Variants in GRIN2A observed in about 807,000 individuals in gnomAD.
GRIN2A encodes the protein glutamate ionotropic receptor NMDA type subunit 2A, also known as glutamate receptor ionotropic, NMDA 2A.
GRIN2A carries 22 observed loss-of-function variants against 113.4 expected under a neutral mutation model. That is an observed-to-expected ratio of 0.19 (90% CI 0.14 to 0.28). The LOEUF (loss-of-function observed/expected upper bound fraction) is 0.28. Among genes scored for constraint, GRIN2A ranks in the 10% least tolerant of loss-of-function variants. The pLI is 1.00. For synonymous variants in GRIN2A, 827 were observed against 738.4 expected (o/e 1.12, Z -1.94); for missense variants, 1,502 against 1,887.0 (o/e 0.80, Z 3.78).
intron 2 of GRIN2A, among the ~76,000 whole-genome samples, chr16:10,048,201 A>C (rs1596460658): frequency 1.3e-5 from 2 of 152,216 alleles, no homozygotes. Flanking sequence ...GCAGATAATA[A>C]TACTCACTTC....
At chr16:9,920,618 G>C (rs1409310966) in intron 3 of GRIN2A, among the ~76,000 whole-genome samples, 1 of 150,618 alleles carries the variant, frequency 6.6e-6, no homozygotes, top group East Asian at 1.9e-4. Context: ...CCAAGCTGGA[G>C]TGCAGTGACA....
intron 3 of GRIN2A, among the ~76,000 whole-genome samples, chr16:9,919,230 A>C (rs1251835526): frequency 6.6e-6 from 1 of 152,192 alleles, no homozygotes; most frequent in Non-Finnish European, 1.5e-5. Context: ...TTTCAGATAA[A>C]GTCAGATCAT....
At chr16:10,018,895 C>A (rs1206212620) in intron 2 of GRIN2A, among the ~76,000 whole-genome samples, 1 of 152,236 alleles carries the variant, frequency 6.6e-6, no homozygotes, top group Admixed American at 6.5e-5. Context: ...CCAATCTGAG[C>A]ACTGGCTGTG....
chr16:10,075,464 G>C (rs1002487633), intron 2 of GRIN2A, among the ~76,000 whole-genome samples: 3 of 152,114 alleles, frequency 2.0e-5, no homozygotes, highest in Non-Finnish European at 4.4e-5. Flanking sequence ...GAGAGTGATT[G>C]CAAGTAAGTA....
intron 5 of GRIN2A, among the ~76,000 whole-genome samples, chr16:9,842,383 C>T (rs528876311): frequency 6.6e-6 from 1 of 152,274 alleles, no homozygotes; most frequent in East Asian, 1.9e-4. Flanking sequence ...ATGGACATCC[C>T]ATTAGCTCAA....
At chr16:10,150,643 G>C (rs962835754) in intron 2 of GRIN2A, among the ~76,000 whole-genome samples, 4 of 143,236 alleles carry the variant, frequency 2.8e-5, no homozygotes, top group African/African-American at 1.0e-4. Context: ...CCAGCGTCTA[G>C]ACACTTGCAG....
At chr16:10,030,052 G>C (rs2046900039) in intron 2 of GRIN2A, among the ~76,000 whole-genome samples, 1 of 152,014 alleles carries the variant, frequency 6.6e-6, no homozygotes, top group African/African-American at 2.4e-5. Flanking sequence ...ACTCAATGGA[G>C]GCTGCAGCAT....
chr16:10,126,171 A>AT (rs386419082), intron 2 of GRIN2A, among the ~76,000 whole-genome samples: 34,485 of 150,210 alleles, frequency 0.23, 4,506 homozygotes, highest in East Asian at 0.48. Context: ...ATATATATAT[A>AT]TTTTTTTTTG....
chr16:9,832,320 C>A (rs777635407), intron 8 of GRIN2A, among the ~76,000 whole-genome samples: 2 of 151,990 alleles, frequency 1.3e-5, no homozygotes, highest in Non-Finnish European at 2.9e-5. Flanking sequence ...GTTCCTTTTA[C>A]ATGAAATGAC....
intron 2 of GRIN2A, among the ~76,000 whole-genome samples, chr16:10,013,844 G>A (rs1451688474): frequency 6.6e-6 from 1 of 152,070 alleles, no homozygotes; most frequent in Non-Finnish European, 1.5e-5. Context: ...TCTCTCTCTG[G>A]CCTCCTTCCT....
rs1461117051 is a variant in GRIN2A at position 10,049,035 on chromosome 16, CAA to C, written c.415-110486_415-110485del. On this transcript the variant is annotated intron_variant, in intron 2 of 12. Coordinates refer to ENST00000330684, the MANE Select transcript of GRIN2A (RefSeq NM_001134407.3). ...ATTTACCTCCCAGTCGTTGCTATTCCAAAAGAGAGCCAGAGGGGAGGAAAATC... is the reference window on the plus strand; with the variant it reads ...ATTTACCTCCCAGTCGTTGCTATTCCAAGAGAGCCAGAGGGGAGGAAAATC... 1.2e-4 allele frequency among the ~76,000 whole-genome samples: 18 copies of C among 152,206 alleles called. 1 individual carries two copies. The South Asian group carries it at 3.7e-3, about 32-fold the overall frequency.
intron 2 of GRIN2A, among the ~76,000 whole-genome samples, chr16:9,940,059 AGAGTGTGT>A (rs2044831409): frequency 6.9e-6 from 1 of 145,390 alleles, no homozygotes; most frequent in Non-Finnish European, 1.5e-5. Context: ...AGAGAGAGAG[AGAGTGTGT>A]GTGTGTGTGT....
intron 2 of GRIN2A, among the ~76,000 whole-genome samples, chr16:10,035,704 C>T (rs1378579039): frequency 1.3e-5 from 2 of 150,652 alleles, no homozygotes; most frequent in Non-Finnish European, 1.5e-5. Context: ...CTTTGAGAAC[C>T]ACTGCACTGG....
intron 2 of GRIN2A, chr16:10,111,457 G>A (rs62033428): frequency 0.03 from 17,588 of 594,242 alleles, 360 homozygotes; most frequent in Middle Eastern, 0.046. Context: ...GCTCTTCCTC[G>A]GCGCCAACTG....
intron 10 of GRIN2A, among the ~76,000 whole-genome samples, chr16:9,813,130 C>A (rs910869312): frequency 6.6e-6 from 1 of 152,146 alleles, no homozygotes; most frequent in Non-Finnish European, 1.5e-5. Context: ...CTTGTAGTAC[C>A]CTTCAGTGCT....
intron 11 of GRIN2A, among the ~76,000 whole-genome samples, chr16:9,793,841 A>G (rs1300558981): frequency 6.6e-6 from 1 of 152,226 alleles, no homozygotes; most frequent in African/African-American, 2.4e-5. Flanking sequence ...GTGTATATAT[A>G]CACGTGTGAT....
intron 9 of GRIN2A, among the ~76,000 whole-genome samples, chr16:9,824,786 T>C (rs963775877): frequency 6.6e-6 from 1 of 152,180 alleles, no homozygotes; most frequent in Non-Finnish European, 1.5e-5. Context: ...ATCCATTATG[T>C]TCTATTTTTT....
intron 2 of GRIN2A, among the ~76,000 whole-genome samples, chr16:9,994,667 A>G (rs2046188819): frequency 6.6e-6 from 1 of 152,208 alleles, no homozygotes; most frequent in African/African-American, 2.4e-5. Flanking sequence ...TTGAATACAA[A>G]TGGAAACCAC....
intron 4 of GRIN2A, among the ~76,000 whole-genome samples, chr16:9,886,319 A>C (rs1050634958): frequency 6.6e-6 from 1 of 152,214 alleles, no homozygotes; most frequent in Non-Finnish European, 1.5e-5. Context: ...AAAAATCAGG[A>C]TTTGAAAGAT....
Sources: allele counts gnomAD v4.1 joint callset (sites outside exome capture counted in the v4.1 genomes callset), GRCh38; gene constraint gnomAD v4.1.1; transcripts MANE v1.5; gene names NCBI Gene and HGNC (gene_info 2026-07-23, HGNC 2026-07-21).